Variants in TP53BP2 observed in about 807,000 individuals in gnomAD.
TP53BP2 encodes the protein apoptosis-stimulating of p53 protein 2.
TP53BP2 carries 62 observed loss-of-function variants against 126.2 expected under a neutral mutation model. The ratio of observed to expected loss-of-function variants is 0.49; its 90% CI spans 0.40 to 0.61. TP53BP2 has a LOEUF of 0.61. TP53BP2 is among the 20% of genes least tolerant of loss of function. TP53BP2 has a pLI of 0.00. For synonymous variants in TP53BP2, 485 were observed against 502.9 expected (o/e 0.96, Z 0.48); for missense variants, 1,215 against 1,402.8 (o/e 0.87, Z 2.14).
rs774308058 is a variant in TP53BP2, at chr1:223,792,526, T to C, written c.2863-4A>G. 1.9e-6 allele frequency: 3 copies of C among 1,613,842 alleles called. No homozygotes were observed. Among genetic ancestry groups the C allele is most frequent in the Non-Finnish European group, 1.7e-6 (2 of 1,179,788 alleles). On this transcript the variant is annotated splice_region_variant and splice_polypyrimidine_tract_variant and intron_variant, in intron 14 of 17. Coordinates refer to ENST00000343537, the MANE Select transcript of TP53BP2 (RefSeq NM_001031685.3). The stretch of plus-strand genomic sequence containing the variant: ...TGGGGAGGCTTGGGTCATCAACCTA[T>C]ATCAAGAAGAAGGGTGAGCATCACT...
At chr1:223,798,798 G>C in intron 11 of TP53BP2, 121 bp from the exon 12 acceptor site, 1 of 904,282 alleles carries the variant, frequency 1.1e-6, no homozygotes. Context: ...CTGGCCGGGT[G>C]CAGGGGCTCA....
chr1:223,799,713 C>T (rs1333201419), intron 11 of TP53BP2, among the ~76,000 whole-genome samples, 186 bp downstream of exon 11: 5 of 152,298 alleles, frequency 3.3e-5, no homozygotes, highest in Admixed American at 6.5e-5. Flanking sequence ...GCCATTCTCC[C>T]ACCGGGTGTG....
intron 1 of TP53BP2, among the ~76,000 whole-genome samples, chr1:223,825,681 A>G (rs1334505425): frequency 6.6e-5 from 10 of 152,152 alleles, no homozygotes; most frequent in African/African-American, 2.2e-4. Context: ...ATCATCTGCT[A>G]TATGTCTCTG....
intron 4 of TP53BP2, 135 bp downstream of exon 4, chr1:223,810,296 A>C: frequency 1.8e-6 from 1 of 570,990 alleles, no homozygotes; most frequent in South Asian, 4.0e-5. Flanking sequence ...AGTTTCTATG[A>C]AACAAATTTA....
chr1:223,842,228 T>A (rs1368431791), intron 1 of TP53BP2, among the ~76,000 whole-genome samples: 1 of 152,198 alleles, frequency 6.6e-6, no homozygotes, highest in Non-Finnish European at 1.5e-5. Context: ...GTAGCCACCG[T>A]GCCCGGCCCA....
chr1:223,803,203 T>C (rs925231844), intron 7 of TP53BP2, 68 bp downstream of exon 7: 7 of 1,507,342 alleles, frequency 4.6e-6, no homozygotes, highest in Middle Eastern at 2.5e-4. Context: ...CACCTCTTGC[T>C]ACTTATATGA....
rs556711213 is a variant in TP53BP2, at chr1:223,800,035, T to G, written c.1349A>C (p.Glu450Ala). 181 of 1,605,220 alleles carry G rather than the reference T, an allele frequency of 1.1e-4. 3 individuals are homozygous for G. In the South Asian group the frequency reaches 1.9e-3, roughly 17 times the overall value. ...CTTCTCTTTCTCCCTCAGCGGAACCTCTCCATCATCAACTAAAGACAAAAA... is the reference window on the plus strand; with the variant it reads ...CTTCTCTTTCTCCCTCAGCGGAACCGCTCCATCATCAACTAAAGACAAAAA... ...GNALDQVDDG[E>A]VPLREKEKKV... The change falls in exon 11 of 18, where the codon GAG (glutamate) becomes GCG (alanine). Residue 450 changes from glutamate (E) to alanine (A), a missense_variant. Coordinates refer to ENST00000343537, the MANE Select transcript of TP53BP2 (RefSeq NM_001031685.3).
chr1:223,837,758 T>C (rs956852207), intron 1 of TP53BP2, among the ~76,000 whole-genome samples: 1 of 152,204 alleles, frequency 6.6e-6, no homozygotes, highest in Admixed American at 6.5e-5. Flanking sequence ...TGAGCTTTCC[T>C]AATCAATCAG....
intron 1 of TP53BP2, among the ~76,000 whole-genome samples, chr1:223,829,407 A>C (rs532420671): frequency 1.3e-5 from 2 of 152,332 alleles, no homozygotes; most frequent in South Asian, 4.1e-4. Context: ...TTATGAACTG[A>C]GGTAGACGAG....
chr1:223,791,884 C>A (rs1039000377), intron 15 of TP53BP2, among the ~76,000 whole-genome samples: 5 of 151,996 alleles, frequency 3.3e-5, no homozygotes, highest in Non-Finnish European at 7.4e-5. Flanking sequence ...CTAACATTTC[C>A]CCTATCCTGC....
intron 15 of TP53BP2, among the ~76,000 whole-genome samples, chr1:223,790,659 C>T (rs900815910): frequency 2.7e-5 from 4 of 147,454 alleles, no homozygotes; most frequent in Admixed American, 6.9e-5. Flanking sequence ...GACTGGAGTA[C>T]AGCAATGCAA....
In TP53BP2 at chr1:223,829,990, A is replaced by G. The variant is rs539434376; in HGVS notation, c.28-8623T>C. Among the ~76,000 whole-genome samples the G allele has an allele frequency of 1.5e-4, 23 of 152,332 alleles. 1 individual carries two copies. In the South Asian group the frequency reaches 4.8e-3, roughly 32 times the overall value. On this transcript the variant is annotated intron_variant, in intron 1 of 17. Coordinates refer to ENST00000343537, the MANE Select transcript of TP53BP2 (RefSeq NM_001031685.3). ...GAACACAAAGAGAAGACATTCATCA[A>G]TAAACAATAAACTCTAAAGCATACT...
chr1:223,802,307 G>T lies in TP53BP2; in HGVS notation c.1034C>A (p.Ser345Ter). The T allele has an allele frequency of 6.2e-7, 1 of 1,614,186 alleles. No individual in the cohort carries two copies. The part of the protein sequence containing the change: ...SDGNLPQQAA[S>*]APSRVAAVGP... The stretch of plus-strand genomic sequence containing the variant: ...TACTGCAGCCACACGGCTTGGGGCT[G>T]ACGCGGCTTGCTGGGGAAGATTTCC... Residue 345 changes from serine (S) to a stop codon, truncating the protein, a stop_gained, in exon 9 of 18, where the codon TCA (serine) becomes TAA (stop). Coordinates refer to ENST00000343537, the MANE Select transcript of TP53BP2 (RefSeq NM_001031685.3). LOFTEE classifies it high-confidence loss of function.
chr1:223,821,038 A>G, intron 2 of TP53BP2, 182 bp downstream of exon 2: 1 of 729,148 alleles, frequency 1.4e-6, no homozygotes, highest in Non-Finnish European at 2.2e-6. Context: ...TTGGAGAAAA[A>G]GAAAACCGAA....
At chr1:223,786,577 T>TGC (rs1389983809) in intron 16 of TP53BP2, among the ~76,000 whole-genome samples, 2 of 129,220 alleles carry the variant, frequency 1.5e-5, no homozygotes, top group African/African-American at 7.1e-5. Flanking sequence ...TGTGTGCGTG[T>TGC]GTGCGTGTGT....
In TP53BP2 at chr1:223,845,684, A is replaced by T; in HGVS notation, c.-4T>A. On this transcript the variant is annotated 5_prime_UTR_variant, in exon 1 of 18. Coordinates refer to ENST00000343537, the MANE Select transcript of TP53BP2 (RefSeq NM_001031685.3). ...TCATCTTGGACCCGAACCGCATGGA[A>T]GCGGGTGGCCAGACTGCGGCCCCGG... is the stretch of plus-strand genomic sequence containing the variant. The T allele has an allele frequency of 6.5e-7, 1 of 1,547,920 alleles. No individual in the cohort carries two copies.
intron 14 of TP53BP2, 31 bp downstream of exon 14, chr1:223,793,271 CA>C (rs753407946): frequency 7.0e-3 from 8,058 of 1,149,124 alleles, no homozygotes; most frequent in South Asian, 0.018. Context: ...GACTCTGACT[CA>C]AAAAAAAAAA....
At chr1:223,786,602 GTGTGTA>G (rs938375395) in intron 16 of TP53BP2, among the ~76,000 whole-genome samples, 10 of 150,038 alleles carry the variant, frequency 6.7e-5, no homozygotes, top group African/African-American at 2.0e-4. Flanking sequence ...GTGTGTGTGT[GTGTGTA>G]TATTTTTTTT....
chr1:223,793,821 A>G (rs973544983), intron 13 of TP53BP2, among the ~76,000 whole-genome samples: 2 of 152,216 alleles, frequency 1.3e-5, no homozygotes, highest in Admixed American at 6.5e-5. Flanking sequence ...TATCTAATAC[A>G]GTACAGCAAA....
Sources: allele counts gnomAD v4.1 joint callset (sites outside exome capture counted in the v4.1 genomes callset), GRCh38; gene constraint gnomAD v4.1.1; transcripts MANE v1.5; gene names NCBI Gene and HGNC (gene_info 2026-07-23, HGNC 2026-07-21).